Variants in CNTN3 observed in about 807,000 individuals in gnomAD.
CNTN3 encodes the protein contactin-3.
In CNTN3, 60 loss-of-function variants were observed where a neutral mutation model predicts 119.1. The ratio of observed to expected loss-of-function variants is 0.50; its 90% confidence interval spans 0.41 to 0.62. The LOEUF is 0.62. Ranked by LOEUF, CNTN3 falls within the 20% of genes least tolerant of loss-of-function variation. The pLI, the probability that CNTN3 is intolerant of heterozygous loss-of-function variation, is 0.00. For missense variants in CNTN3, 1,101 were observed against 1,242.4 expected, an observed-to-expected ratio of 0.89 and a Z score of 1.71; for synonymous variants, 450 against 438.7, an observed-to-expected ratio of 1.03 and a Z score of -0.32.
At chr3:74,440,426 C>G (rs1701943223) in intron 4 of CNTN3, among the ~76,000 whole-genome samples, 1 of 151,156 alleles carries the variant, frequency 6.6e-6, no homozygotes, top group African/African-American at 2.4e-5. Flanking sequence ...TAGTTGATTT[C>G]TGTTCTCCTG....
chr3:74,554,793 C>G (rs1438269994), intron 1 of CNTN3, among the ~76,000 whole-genome samples: 2 of 152,208 alleles, frequency 1.3e-5, no homozygotes, highest in Non-Finnish European at 2.9e-5. Context: ...AGTTGCTTGT[C>G]AGCTTAAGAA....
At chr3:74,303,782 A>G (rs1277459347) in intron 13 of CNTN3, among the ~76,000 whole-genome samples, 4 of 152,228 alleles carry the variant, frequency 2.6e-5, no homozygotes, top group African/African-American at 9.6e-5. Context: ...GAGCAATTAT[A>G]TTTCTAAAAG....
At chr3:74,553,251 C>G (rs1421800301) in intron 1 of CNTN3, among the ~76,000 whole-genome samples, 4 of 152,172 alleles carry the variant, frequency 2.6e-5, no homozygotes, top group Non-Finnish European at 5.9e-5. Flanking sequence ...CAAGTCCCTG[C>G]AAAGGACATG....
At chr3:74,326,995 A>G (rs1372333854) in intron 13 of CNTN3, among the ~76,000 whole-genome samples, 2 of 151,938 alleles carry the variant, frequency 1.3e-5, no homozygotes, top group Non-Finnish European at 2.9e-5. Context: ...ATTTTTATTG[A>G]ATGTCATCTT....
intron 1 of CNTN3, among the ~76,000 whole-genome samples, chr3:74,607,234 T>C (rs1274531080): frequency 6.6e-6 from 1 of 152,122 alleles, no homozygotes; most frequent in Non-Finnish European, 1.5e-5. Context: ...TTTCAGAATA[T>C]TCACCGGAAT....
intron 13 of CNTN3, among the ~76,000 whole-genome samples, chr3:74,323,389 T>C (rs973945173): frequency 6.6e-6 from 1 of 152,224 alleles, no homozygotes; most frequent in African/African-American, 2.4e-5. Flanking sequence ...GTCCAGAATA[T>C]GCAAATAGGT....
At chr3:74,613,101 G>A (rs1351412717) in intron 1 of CNTN3, among the ~76,000 whole-genome samples, 1 of 152,128 alleles carries the variant, frequency 6.6e-6, no homozygotes, top group Non-Finnish European at 1.5e-5. Context: ...TGAGATATAA[G>A]CTCTTTCAAA....
At chr3:74,373,958 A>G (rs916090051) in intron 5 of CNTN3, among the ~76,000 whole-genome samples, 2 of 152,060 alleles carry the variant, frequency 1.3e-5, no homozygotes, top group Admixed American at 6.6e-5. Context: ...CTTCAAGAGA[A>G]CCTAAAGCAC....
At chr3:74,305,777 G>C (rs1702551109) in intron 13 of CNTN3, among the ~76,000 whole-genome samples, 1 of 150,590 alleles carries the variant, frequency 6.6e-6, no homozygotes, top group African/African-American at 2.4e-5. Context: ...TTTCAGTGCT[G>C]GTCACTTGAA....
intron 5 of CNTN3, among the ~76,000 whole-genome samples, chr3:74,416,868 G>T (rs1701531830): frequency 6.6e-6 from 1 of 151,952 alleles, no homozygotes; most frequent in Non-Finnish European, 1.5e-5. Flanking sequence ...TGTGGCTATA[G>T]TCCCAGCTAC....
chr3:74,404,137 C>T (rs780492304), intron 5 of CNTN3, among the ~76,000 whole-genome samples: 12 of 152,120 alleles, frequency 7.9e-5, no homozygotes, highest in Non-Finnish European at 1.2e-4. Flanking sequence ...ACTTTGAATA[C>T]GGTAGGATCA....
chr3:74,419,091 CTGGCCTGTTTTA>C (rs916799400), intron 5 of CNTN3, among the ~76,000 whole-genome samples: 2 of 152,134 alleles, frequency 1.3e-5, no homozygotes, highest in African/African-American at 4.8e-5. Context: ...GCCACCGCAC[CTGGCCTGTTTTA>C]AAGTTTAACT....
rs776511238 is a variant in CNTN3, at chr3:74,364,396, T to G, written c.1213+71A>C. 141 of 1,447,362 alleles carry G rather than the reference T, an allele frequency of 9.7e-5. 1 individual carries two copies. Among genetic ancestry groups the G allele is most frequent in the Non-Finnish European group, 1.3e-5 (14 of 1,053,670 alleles). The allele number at this position is 1,447,362 out of a possible 1,614,324, so 89.7% of individuals were successfully genotyped here. A position where few individuals can be genotyped will look rare whatever the true frequency, so the allele number is the denominator to read the frequency against. On this transcript the variant is annotated intron_variant, in intron 10 of 22. Transcript: ENST00000263665. ...AGGAACCTAATGTGAAAAGTAAATA[T>G]TACTGCTTCTGGAAACAATGAAGGA... is the stretch of plus-strand genomic sequence containing the variant.
intron 5 of CNTN3, among the ~76,000 whole-genome samples, chr3:74,407,264 ATTTTTTTTT>A (rs753215277): frequency 5.7e-5 from 6 of 105,526 alleles, no homozygotes; most frequent in Admixed American, 4.9e-4. Flanking sequence ...CAAATATTCT[ATTTTTTTTT>A]TTTTTTTTTT....
At chr3:74,415,996 C>T (rs935812438) in intron 5 of CNTN3, among the ~76,000 whole-genome samples, 3 of 152,196 alleles carry the variant, frequency 2.0e-5, no homozygotes, top group African/African-American at 4.8e-5. Context: ...CCTGGGGTCA[C>T]TGATGCTAGT....
chr3:74,319,713 A>G (rs939684449), intron 13 of CNTN3, among the ~76,000 whole-genome samples: 5 of 151,926 alleles, frequency 3.3e-5, no homozygotes, highest in African/African-American at 9.7e-5. Context: ...AGAAACTACC[A>G]TCAGAGTGAA....
intron 9 of CNTN3, among the ~76,000 whole-genome samples, chr3:74,365,304 C>A (rs183885181): frequency 6.6e-6 from 1 of 152,096 alleles, no homozygotes; most frequent in African/African-American, 2.4e-5. Context: ...ACCAAAAAAA[C>A]GGTAGATTAT....
At chr3:74,472,511 A>G (rs1702584098) in intron 4 of CNTN3, among the ~76,000 whole-genome samples, 1 of 152,216 alleles carries the variant, frequency 6.6e-6, no homozygotes, top group South Asian at 2.1e-4. Context: ...TGTACAAACT[A>G]AAAGATTTTA....
intron 1 of CNTN3, among the ~76,000 whole-genome samples, chr3:74,545,965 A>C (rs1190684777): frequency 6.6e-6 from 1 of 151,774 alleles, no homozygotes; most frequent in African/African-American, 2.4e-5. Context: ...GTTTCTTCTT[A>C]ATTTGGTTTC....
Sources: gnomAD v4.1 joint callset for allele counts (sites outside exome capture counted in the v4.1 genomes callset) on GRCh38, gnomAD v4.1.1 for gene constraint, MANE v1.5 for transcripts, NCBI Gene and HGNC (gene_info 2026-07-23, HGNC 2026-07-21) for gene names.